The following MGAT5 variants were observed in gnomAD, a reference collection of about 807,000 sequenced individuals.
MGAT5 encodes the protein alpha-1,6-mannosylglycoprotein 6-beta-N-acetylglucosaminyltransferase A.
MGAT5 carries 30 observed loss-of-function variants against 94.3 expected under a neutral mutation model. The observed-to-expected ratio is 0.32, with a 90% CI of 0.24 to 0.43. MGAT5 has a LOEUF of 0.43. Ranked by LOEUF, MGAT5 falls within the 20% of genes least tolerant of loss-of-function variation. The probability of loss-of-function intolerance (pLI) is 1.00; values close to 1 mark genes in which losing one functional copy is unlikely to be tolerated. For missense variants in MGAT5, 691 were observed against 905.5 expected, an observed-to-expected ratio of 0.76 and a Z score of 3.04; for synonymous variants, 310 against 322.9, an observed-to-expected ratio of 0.96 and a Z score of 0.43.
chr2:134,154,315 C>A (rs1231271169), intron 1 of MGAT5, among the ~76,000 whole-genome samples: 1 of 152,152 alleles, frequency 6.6e-6, no homozygotes, highest in Non-Finnish European at 1.5e-5. Flanking sequence ...ACAACTGTTG[C>A]AATACGAGAG....
At chr2:134,263,456 G>A (rs777542862) in intron 1 of MGAT5, among the ~76,000 whole-genome samples, 1 of 152,204 alleles carries the variant, frequency 6.6e-6, no homozygotes, top group Non-Finnish European at 1.5e-5. Context: ...TTCTAACCCA[G>A]AAGAGAAGGC....
chr2:134,194,168 C>T (rs1456379783), intron 1 of MGAT5, among the ~76,000 whole-genome samples: 1 of 152,112 alleles, frequency 6.6e-6, no homozygotes, highest in Non-Finnish European at 1.5e-5. Context: ...GAATAATTTC[C>T]TGTGAATGAA....
Position 134,267,002 on chromosome 2 carries a change from C to T in MGAT5, c.242-3384C>T, listed in dbSNP as rs573749464. On this transcript the variant is annotated intron_variant, in intron 1 of 15. Coordinates refer to ENST00000281923, the MANE Select transcript of MGAT5 (RefSeq NM_002410.5). The stretch of plus-strand genomic sequence containing the variant: ...GATCACTTGATGTATCTGGTAGTCT[C>T]CAGTGTCAGCTGGTGGATGTTTAGT... Among the ~76,000 whole-genome samples, 7 of 152,278 alleles carry T rather than the reference C, an allele frequency of 4.6e-5. No homozygotes were observed. The South Asian group carries it at 1.2e-3, about 27-fold the overall frequency.
intron 1 of MGAT5, among the ~76,000 whole-genome samples, chr2:134,187,908 A>G (rs1689126488): frequency 6.6e-6 from 1 of 152,210 alleles, no homozygotes; most frequent in Non-Finnish European, 1.5e-5. Context: ...AGTAATAGGG[A>G]AAAATAAGGG....
At chr2:134,140,048 C>T (rs1221003974) in intron 1 of MGAT5, among the ~76,000 whole-genome samples, 1 of 152,174 alleles carries the variant, frequency 6.6e-6, no homozygotes, top group African/African-American at 2.4e-5. Flanking sequence ...AAAGTCCTTC[C>T]TCCATCAGGA....
intron 1 of MGAT5, among the ~76,000 whole-genome samples, chr2:134,209,054 C>T (rs1431310302): frequency 6.6e-6 from 1 of 151,420 alleles, no homozygotes; most frequent in East Asian, 1.9e-4. Context: ...GTGTCACTTG[C>T]AGTCACTTGT....
chr2:134,438,623 C>T (rs531896089), intron 14 of MGAT5, among the ~76,000 whole-genome samples: 6 of 152,342 alleles, frequency 3.9e-5, no homozygotes, highest in African/African-American at 1.4e-4. Flanking sequence ...TACAGTCATG[C>T]TGTCTGCCTT....
intron 13 of MGAT5, 97 bp from the exon 14 acceptor site, chr2:134,428,268 G>A (rs1419562315): frequency 2.7e-6 from 3 of 1,119,884 alleles, no homozygotes; most frequent in African/African-American, 3.1e-5. Flanking sequence ...GCCGACTCCT[G>A]GTGTTAGCAC....
At chr2:134,215,637 A>G (rs1240007885) in intron 1 of MGAT5, among the ~76,000 whole-genome samples, 2 of 152,216 alleles carry the variant, frequency 1.3e-5, no homozygotes, top group African/African-American at 4.8e-5. Flanking sequence ...ATCCGGCTCC[A>G]TGACCCAAAC....
At chr2:134,371,244 T>C (rs567821776) in intron 10 of MGAT5, among the ~76,000 whole-genome samples, 1 of 152,282 alleles carries the variant, frequency 6.6e-6, no homozygotes, top group Non-Finnish European at 1.5e-5. Context: ...TCACTTTCCT[T>C]ATCTGGCAGC....
At chr2:134,395,150 A>G (rs1023638727) in intron 10 of MGAT5, among the ~76,000 whole-genome samples, 1 of 152,224 alleles carries the variant, frequency 6.6e-6, no homozygotes, top group African/African-American at 2.4e-5. Flanking sequence ...ATCAGAGTAG[A>G]TGAAGGAACA....
chr2:134,230,012 C>G (rs530694971), intron 1 of MGAT5, among the ~76,000 whole-genome samples: 1 of 152,148 alleles, frequency 6.6e-6, no homozygotes, highest in Non-Finnish European at 1.5e-5. Flanking sequence ...ATCAAAAAGA[C>G]AGATGGGAAA....
chr2:134,329,106 A>C (rs1477241414), intron 4 of MGAT5, among the ~76,000 whole-genome samples: 2 of 151,998 alleles, frequency 1.3e-5, no homozygotes, highest in Non-Finnish European at 2.9e-5. Context: ...TCTACGGTTA[A>C]AATGTAATTG....
chr2:134,218,770 T>C (rs543511765), intron 1 of MGAT5, among the ~76,000 whole-genome samples: 1 of 152,296 alleles, frequency 6.6e-6, no homozygotes, highest in East Asian at 1.9e-4. Context: ...TGGGAGTTGC[T>C]GTTGAGTCTT....
chr2:134,235,450 G>T (rs1401569), intron 1 of MGAT5, among the ~76,000 whole-genome samples: 46,451 of 151,924 alleles, frequency 0.31, 7,515 homozygotes, highest in African/African-American at 0.35. Context: ...GTTGAGAAAC[G>T]AGTACCTCAG....
chr2:134,206,922 C>G (rs1278347102), intron 1 of MGAT5, among the ~76,000 whole-genome samples: 1 of 152,202 alleles, frequency 6.6e-6, no homozygotes, highest in Non-Finnish European at 1.5e-5. Flanking sequence ...CATCTGGAGT[C>G]TGGAACTGTG....
In MGAT5 at chr2:134,223,107, A is replaced by G. The variant is rs927983494; in HGVS notation, c.-142-31155A>G. 5.3e-5 allele frequency among the ~76,000 whole-genome samples: 8 copies of G among 152,286 alleles called. No homozygotes were observed. In the South Asian group the frequency reaches 1.7e-3, roughly 32 times the overall value. On this transcript the variant is annotated intron_variant, in intron 1 of 16. Transcript: ENST00000409645. ...TTAGTAAATATTTTCCCTTAATTTT[A>G]TAGTAAGCAGAAAATTTTTATGGCT... is the stretch of plus-strand genomic sequence containing the variant.
In MGAT5 at chr2:134,441,934, G is replaced by A. The variant is rs575511196; in HGVS notation, c.2027+19G>A. 35 of 1,608,498 alleles carry A rather than the reference G, an allele frequency of 2.2e-5. No individual in the cohort carries two copies. The African/African-American group carries it at 4.1e-4, about 19-fold the overall frequency. ...TGCTGAAGTAAGTGCCCTGGGGTGGGGGTGGGGACTCAGCCCCTAGACTCC... is the reference window on the plus strand; with the variant it reads ...TGCTGAAGTAAGTGCCCTGGGGTGGAGGTGGGGACTCAGCCCCTAGACTCC... On this transcript the variant is annotated intron_variant, in intron 15 of 15. Transcript: ENST00000281923.
intron 9 of MGAT5, among the ~76,000 whole-genome samples, chr2:134,350,446 G>A (rs1243708695): frequency 6.6e-6 from 1 of 151,778 alleles, no homozygotes; most frequent in Non-Finnish European, 1.5e-5. Flanking sequence ...TCAATCCTAG[G>A]CCCAGAATGA....
Sources: allele counts gnomAD v4.1 joint callset (sites outside exome capture counted in the v4.1 genomes callset), GRCh38; gene constraint gnomAD v4.1.1; transcripts MANE v1.5; gene names NCBI Gene and HGNC (gene_info 2026-07-23, HGNC 2026-07-21).